DHRSX: variants seen among roughly 807,000 people sequenced by gnomAD.
The protein encoded by DHRSX is dehydrogenase/reductase X-linked.
A neutral mutation model predicts 34.0 loss-of-function variants in DHRSX; 31 were observed. The ratio of observed to expected loss-of-function variants is 0.91; its 90% confidence interval spans 0.69 to 1.23. The LOEUF (loss-of-function observed/expected upper bound fraction) is 1.23, where lower values mean the gene tolerates loss of function less well. Ranked by LOEUF, DHRSX falls within the 50% of genes most tolerant of loss-of-function variation. DHRSX has a pLI of 0.00. For synonymous variants in DHRSX, 201 were observed against 183.8 expected, an observed-to-expected ratio of 1.09 and a Z score of -0.76; for missense variants, 414 against 428.1, an observed-to-expected ratio of 0.97 and a Z score of 0.29.
chrX:2,272,163 A>G (rs2041565940), intron 4 of DHRSX, among the ~76,000 whole-genome samples: 1 of 152,172 alleles, frequency 6.6e-6, no homozygotes, highest in Non-Finnish European at 1.5e-5. Flanking sequence ...AAAAAAACAA[A>G]AACACCAGAA....
At chrX:2,458,731 C>T (rs1922497492) in intron 1 of DHRSX, among the ~76,000 whole-genome samples, 1 of 151,926 alleles carries the variant, frequency 6.6e-6, no homozygotes, top group Non-Finnish European at 1.5e-5. Context: ...GGAGCGGTGG[C>T]TCATGTCTGG....
At chrX:2,413,896 T>C (rs1253662938) in intron 2 of DHRSX, among the ~76,000 whole-genome samples, 1 of 151,724 alleles carries the variant, frequency 6.6e-6, no homozygotes, top group Non-Finnish European at 1.5e-5. Context: ...AATCTCATTA[T>C]AACCTAGCCC....
chrX:2,416,288 T>A (rs1376907873), intron 2 of DHRSX, among the ~76,000 whole-genome samples: 1 of 152,126 alleles, frequency 6.6e-6, no homozygotes, highest in East Asian at 1.9e-4. Flanking sequence ...GATCTCATCA[T>A]GACCAACCCA....
intron 5 of DHRSX, among the ~76,000 whole-genome samples, chrX:2,254,925 G>A (rs2041255286): frequency 1.3e-5 from 2 of 150,468 alleles, no homozygotes; most frequent in African/African-American, 4.9e-5. Flanking sequence ...TTACAGGTGT[G>A]AGCCACTGTG....
chrX:2,428,410 C>T (rs1166417121), intron 1 of DHRSX, among the ~76,000 whole-genome samples: 1 of 152,088 alleles, frequency 6.6e-6, no homozygotes, highest in African/African-American at 2.4e-5. Flanking sequence ...GAAAATGTGG[C>T]ACATGGACAC....
intron 3 of DHRSX, among the ~76,000 whole-genome samples, chrX:2,303,869 GTGGATGGGTGGATGGA>G (rs2042051944): frequency 7.4e-5 from 8 of 108,260 alleles, no homozygotes; most frequent in Admixed American, 6.4e-4. Flanking sequence ...GGGTGGATGG[GTGGATGGGTGGATGGA>G]TGGATGGATG....
At chrX:2,223,061 C>T (rs2015556689) in intron 6 of DHRSX, among the ~76,000 whole-genome samples, 1 of 152,078 alleles carries the variant, frequency 6.6e-6, no homozygotes, top group Admixed American at 6.6e-5. Context: ...CTAGGGGTGC[C>T]CAGAGATCTT....
chrX:2,303,758 T>C (rs1170630353), intron 3 of DHRSX, among the ~76,000 whole-genome samples: 2 of 120,932 alleles, frequency 1.7e-5, no homozygotes, highest in Non-Finnish European at 3.3e-5. Context: ...ATGGATTGGA[T>C]AGATGGATGG....
At chrX:2,304,170 CT>C (rs2042065452) in intron 3 of DHRSX, among the ~76,000 whole-genome samples, 4 of 34,196 alleles carry the variant, frequency 1.2e-4, no homozygotes, top group Non-Finnish European at 1.8e-4. Flanking sequence ...GATGGATGAA[CT>C]GATGGATGGA....
At chrX:2,461,060 C>A (rs1173047480) in intron 1 of DHRSX, among the ~76,000 whole-genome samples, 1 of 152,088 alleles carries the variant, frequency 6.6e-6, no homozygotes, top group Admixed American at 6.6e-5. Flanking sequence ...TTATTCTTTG[C>A]AGTTTTTCCC....
chrX:2,304,470 A>AG (rs2042077133), intron 3 of DHRSX, among the ~76,000 whole-genome samples: 1 of 152,066 alleles, frequency 6.6e-6, no homozygotes, highest in Non-Finnish European at 1.5e-5. Context: ...GGACCCTTGT[A>AG]GGGGGAGATT....
intron 1 of DHRSX, among the ~76,000 whole-genome samples, chrX:2,497,502 G>C: frequency 6.6e-6 from 1 of 151,902 alleles, no homozygotes; most frequent in East Asian, 1.9e-4. Flanking sequence ...TCCCTTTACA[G>C]GTTAAAAAAA....
chrX:2,410,793 G>A (rs1022772638), intron 2 of DHRSX, among the ~76,000 whole-genome samples: 2 of 152,168 alleles, frequency 1.3e-5, no homozygotes, highest in Non-Finnish European at 2.9e-5. Context: ...AGTGGGAGAC[G>A]GCTAAGATAA....
intron 1 of DHRSX, among the ~76,000 whole-genome samples, chrX:2,437,615 A>T (rs2044007921): frequency 1.7e-5 from 1 of 58,394 alleles, no homozygotes; most frequent in Non-Finnish European, 3.4e-5. Context: ...AAAAAAAAAG[A>T]AGAAGAAAAA....
intron 1 of DHRSX, among the ~76,000 whole-genome samples, chrX:2,474,590 C>G (rs750514415): frequency 6.6e-6 from 1 of 151,932 alleles, no homozygotes; most frequent in African/African-American, 2.4e-5. Context: ...GAAGACGATC[C>G]CTAAGCTTGT....
chrX:2,257,832 G>A (rs1312098942), intron 5 of DHRSX, among the ~76,000 whole-genome samples: 2 of 152,172 alleles, frequency 1.3e-5, no homozygotes, highest in Non-Finnish European at 2.9e-5. Context: ...TCACCGTGTT[G>A]TCCAGGCTGG....
At chrX:2,308,728 A>G (rs2042129132) in intron 3 of DHRSX, among the ~76,000 whole-genome samples, 1 of 151,950 alleles carries the variant, frequency 6.6e-6, no homozygotes, top group African/African-American at 2.4e-5. Context: ...GGAGAAATGA[A>G]CAAAATCAAC....
chrX:2,343,574 G>C (rs749246168), intron 3 of DHRSX, among the ~76,000 whole-genome samples: 2 of 152,160 alleles, frequency 1.3e-5, no homozygotes, highest in South Asian at 4.1e-4. Context: ...GCTCCAAATG[G>C]CTACCTTAAC....
chrX:2,288,701 G>T (rs1280581316), intron 4 of DHRSX, among the ~76,000 whole-genome samples: 1 of 152,214 alleles, frequency 6.6e-6, no homozygotes, highest in Admixed American at 6.5e-5. Context: ...AAGGTAAAAG[G>T]TCTTAGCATG....
Sources: allele counts gnomAD v4.1 joint callset (sites outside exome capture counted in the v4.1 genomes callset), GRCh38; gene constraint gnomAD v4.1.1; transcripts MANE v1.5; gene names NCBI Gene and HGNC (gene_info 2026-07-23, HGNC 2026-07-21).